The following NT5C1B variants were observed in gnomAD, a reference collection of about 807,000 sequenced individuals.
NT5C1B encodes 5'-nucleotidase, cytosolic IB.
A neutral mutation model predicts 57.8 loss-of-function variants in NT5C1B; 44 were observed. That is an observed-to-expected ratio of 0.76 (90% CI 0.60 to 0.98). The LOEUF is 0.98. Ranked by LOEUF, NT5C1B falls within the 50% of genes least tolerant of loss-of-function variation. The pLI, the probability that NT5C1B is intolerant of heterozygous loss-of-function variation, is 0.00. For missense variants in NT5C1B, 742 were observed against 719.5 expected, an observed-to-expected ratio of 1.03 and a Z score of -0.36; for synonymous variants, 284 against 282.6, an observed-to-expected ratio of 1.00 and a Z score of -0.05.
intron 8 of NT5C1B, among the ~76,000 whole-genome samples, chr2:18,571,718 G>GTGTA (rs1246189018): frequency 1.1e-3 from 126 of 111,386 alleles, no homozygotes; most frequent in Non-Finnish European, 1.8e-3. Flanking sequence ...CTGTGTGTGT[G>GTGTA]TATATATATA....
intron 8 of NT5C1B, among the ~76,000 whole-genome samples, chr2:18,570,840 A>G (rs923691835): frequency 3.9e-5 from 6 of 152,336 alleles, no homozygotes; most frequent in African/African-American, 1.2e-4. Flanking sequence ...ATAATACCAC[A>G]TGACCAACTT....
At chr2:18,576,254 A>T (rs747602988) in exon 8 of NT5C1B, 1 of 1,613,794 alleles carries the variant, frequency 6.2e-7, no homozygotes, top group Non-Finnish European at 8.5e-7. Context: ...CTCCTTGGTA[A>T]AATGTTCAGA....
chr2:18,576,741 T>C, intron 7 of NT5C1B, 32 bp downstream of exon 7: 1 of 1,611,088 alleles, frequency 6.2e-7, no homozygotes, highest in Non-Finnish European at 8.5e-7. Context: ...TAAACCTCTT[T>C]ATTAACTAGA....
Position 18,586,926 on chromosome 2 carries a change from C to T in NT5C1B, c.121-535G>A, listed in dbSNP as rs748240530. The T allele has an allele frequency of 7.4e-6, 12 of 1,610,764 alleles. No homozygotes were observed. The South Asian group carries it at 1.3e-4, about 18-fold the overall frequency. ...GCAAAGTAAAAGAGTTTCTATTTGC[C>T]ATATTCTTCCCCTCACCCAGGTTGT... On this transcript the variant is annotated intron_variant, in intron 2 of 8. Transcript: ENST00000304081.
chr2:18,580,181 T>A (rs1304355632), intron 6 of NT5C1B, among the ~76,000 whole-genome samples: 1 of 152,154 alleles, frequency 6.6e-6, no homozygotes, highest in Non-Finnish European at 1.5e-5. Context: ...ATATGCTGCT[T>A]TTGGGGGTGT....
At position 18,584,802 on chromosome 2, in the gene NT5C1B, G is replaced by C; in HGVS notation, c.435C>G (p.Arg145=). The change falls in exon 4 of 9, where the codon CGC becomes CGG. Residue 145 remains arginine (R), a synonymous_variant. Coordinates refer to ENST00000304081, the Ensembl canonical transcript of NT5C1B. The surrounding 1 kb of genome is among the most constrained non-coding windows in gnomAD (Gnocchi z 5.8). ...CCGGATTCTCTTGCATTTTGGTGCT[G>C]CGCCGGGAGCCAGGATCGGGCTCTG... 1 of 1,613,250 alleles carries C rather than the reference G, an allele frequency of 6.2e-7. No individual in the cohort carries two copies. The highest frequency in any genetic ancestry group is 8.5e-7 in the Non-Finnish European group (1 of 1,179,746).
intron 2 of NT5C1B, chr2:18,586,720 A>C: frequency 1.7e-6 from 1 of 591,162 alleles, no homozygotes; most frequent in Non-Finnish European, 2.9e-6. Context: ...TCTTCCCTCG[A>C]GGATAAGCCT....
chr2:18,584,006 T>C lies in NT5C1B; in HGVS notation c.891+82A>G, dbSNP rs761765116. 5.5e-5 allele frequency: 88 copies of C among 1,610,944 alleles called. No individual in the cohort carries two copies. Among genetic ancestry groups the C allele is most frequent in the Non-Finnish European group, 7.3e-5 (86 of 1,177,982 alleles). On this transcript the variant is annotated intron_variant, in intron 5 of 8. Coordinates refer to ENST00000304081, the Ensembl canonical transcript of NT5C1B. This position sits in a 1 kb window ranked among gnomAD's most constrained non-coding sequence, Gnocchi z 5.8. ...GGTGGGCTAGGAATGATCTGGGAAATTGGATGCCCTCCCAAGGGTTGGCCT... is the reference window on the plus strand; with the variant it reads ...GGTGGGCTAGGAATGATCTGGGAAACTGGATGCCCTCCCAAGGGTTGGCCT...
intron 5 of NT5C1B, 132 bp downstream of exon 5, chr2:18,583,956 G>C (rs138097191): frequency 1.3e-6 from 2 of 1,521,226 alleles, no homozygotes; most frequent in Non-Finnish European, 1.8e-6. Context: ...ACCTGGGTCA[G>C]CTAGAAGGAG....
intron 8 of NT5C1B, among the ~76,000 whole-genome samples, chr2:18,570,916 A>T (rs1050360754): frequency 6.6e-5 from 10 of 152,210 alleles, no homozygotes; most frequent in African/African-American, 2.4e-4. Flanking sequence ...TTTACATAAC[A>T]ACAGACTAAA....
rs567824233 is a variant in NT5C1B at position 18,585,740 on chromosome 2, C to T, written c.258+514G>A. On this transcript the variant is annotated intron_variant, in intron 3 of 8. Coordinates refer to ENST00000304081, the Ensembl canonical transcript of NT5C1B. The stretch of plus-strand genomic sequence containing the variant: ...TTTGTTTAGATGATTGAGTCAAATC[C>T]GATAGAGATGATGAATTAGGTAGGA... 3.9e-4 allele frequency among the ~76,000 whole-genome samples: 60 copies of T among 152,240 alleles called. 1 individual carries two copies. Among genetic ancestry groups the T allele is most frequent in the East Asian group, 7.7e-4 (4 of 5,188 alleles).
chr2:18,582,705 T>C (rs1267174680), intron 6 of NT5C1B, among the ~76,000 whole-genome samples, 163 bp downstream of exon 6: 1 of 152,206 alleles, frequency 6.6e-6, no homozygotes, highest in Non-Finnish European at 1.5e-5. Flanking sequence ...AAAATGAACA[T>C]GGCCTCTCTT....
exon 7 of NT5C1B, chr2:18,576,788 C>G (rs756761549): frequency 1.9e-6 from 3 of 1,613,794 alleles, no homozygotes; most frequent in Non-Finnish European, 2.5e-6. Flanking sequence ...TGTATTGCCT[C>G]TTGCACTTTT....
chr2:18,579,122 C>T (rs567027120), intron 6 of NT5C1B, among the ~76,000 whole-genome samples: 21 of 151,858 alleles, frequency 1.4e-4, no homozygotes, highest in South Asian at 6.2e-4. Context: ...CAAAACACTG[C>T]GGAAAAAAAA....
chr2:18,574,801 A>T (rs1665528111), intron 8 of NT5C1B, among the ~76,000 whole-genome samples: 1 of 152,118 alleles, frequency 6.6e-6, no homozygotes, highest in South Asian at 2.1e-4. Context: ...AAGTGGATAG[A>T]TCATATGCTA....
chr2:18,570,927 G>A (rs536018493), intron 8 of NT5C1B, among the ~76,000 whole-genome samples: 2 of 152,212 alleles, frequency 1.3e-5, no homozygotes, highest in Middle Eastern at 3.4e-3. Context: ...ACAGACTAAA[G>A]GGGAGAAACC....
chr2:18,586,062 C>T (rs1572384128), intron 3 of NT5C1B, among the ~76,000 whole-genome samples, 192 bp downstream of exon 3: 3 of 152,180 alleles, frequency 2.0e-5, no homozygotes, highest in Admixed American at 6.5e-5. Context: ...AAACCTTAAA[C>T]AAGTTCCCTC....
chr2:18,582,820 C>G (rs896339418), intron 6 of NT5C1B, 48 bp downstream of exon 6: 2 of 1,591,694 alleles, frequency 1.3e-6, no homozygotes, highest in Admixed American at 1.7e-5. Context: ...TGGCTTCTCT[C>G]TTTCAGAGCG....
At chr2:18,581,832 C>T (rs1666212002) in intron 6 of NT5C1B, among the ~76,000 whole-genome samples, 1 of 152,094 alleles carries the variant, frequency 6.6e-6, no homozygotes, top group African/African-American at 2.4e-5. Context: ...TTTCAGTACC[C>T]AGAGAAGGAA....
Sources: allele counts gnomAD v4.1 joint callset (sites outside exome capture counted in the v4.1 genomes callset), GRCh38; gene constraint gnomAD v4.1.1; non-coding constraint Gnocchi (gnomAD v3.1); transcripts MANE v1.5; gene names NCBI Gene and HGNC (gene_info 2026-07-23, HGNC 2026-07-21).